Variants in PDZD2 observed in about 807,000 individuals in gnomAD.
PDZD2 encodes PDZ domain-containing protein 2.
In PDZD2, 90 loss-of-function variants were observed where a neutral mutation model predicts 220.7. The observed-to-expected ratio is 0.41, with a 90% CI of 0.34 to 0.49. The LOEUF (loss-of-function observed/expected upper bound fraction) is 0.49, where lower values mean the gene tolerates loss of function less well. Ranked by LOEUF, PDZD2 falls within the 20% of genes least tolerant of loss-of-function variation. PDZD2 has a pLI of 0.28. For synonymous variants in PDZD2, 1,375 were observed against 1,450.5 expected, an observed-to-expected ratio of 0.95 and a Z score of 1.18; for missense variants, 3,174 against 3,608.5, an observed-to-expected ratio of 0.88 and a Z score of 3.08.
chr5:31,699,073 C>T (rs1234913182), intron 1 of PDZD2, among the ~76,000 whole-genome samples: 1 of 152,128 alleles, frequency 6.6e-6, no homozygotes, highest in East Asian at 1.9e-4. Flanking sequence ...ATTTGTAATA[C>T]GCTGCAAGCC....
chr5:31,947,836 T>G (rs1453716443), intron 2 of PDZD2, among the ~76,000 whole-genome samples: 5 of 141,968 alleles, frequency 3.5e-5, no homozygotes, highest in South Asian at 2.3e-4. Context: ...TGGTGGGGGG[T>G]GGTGGATGGG....
chr5:31,668,984 C>CA (rs1222070725), intron 1 of PDZD2, among the ~76,000 whole-genome samples: 1 of 151,936 alleles, frequency 6.6e-6, no homozygotes, highest in African/African-American at 2.4e-5. Context: ...CTGGTAAAAG[C>CA]AAACCTCCAT....
chr5:31,765,668 G>T (rs539560192), intron 1 of PDZD2, among the ~76,000 whole-genome samples: 2 of 152,160 alleles, frequency 1.3e-5, no homozygotes, highest in Non-Finnish European at 2.9e-5. Flanking sequence ...GAGGCCGGAA[G>T]ACATCACTGT....
chr5:31,886,700 CTCTT>C (rs763391631), intron 2 of PDZD2, among the ~76,000 whole-genome samples: 16 of 124,262 alleles, frequency 1.3e-4, no homozygotes, highest in African/African-American at 4.0e-4. Flanking sequence ...TTGTCTCTGT[CTCTT>C]TTTTTTTTTT....
intron 2 of PDZD2, among the ~76,000 whole-genome samples, chr5:31,846,995 C>T (rs1354587167): frequency 2.0e-5 from 3 of 152,110 alleles, no homozygotes; most frequent in Non-Finnish European, 4.4e-5. Flanking sequence ...GTTCACTTGC[C>T]TTTCTAAAAA....
chr5:31,992,458 A>C (rs1278360194), intron 3 of PDZD2, among the ~76,000 whole-genome samples: 1 of 151,940 alleles, frequency 6.6e-6, no homozygotes, highest in Admixed American at 6.6e-5. Context: ...TATACATTTG[A>C]GCTGATATTG....
intron 2 of PDZD2, among the ~76,000 whole-genome samples, chr5:31,903,826 C>T (rs981665941): frequency 2.6e-5 from 4 of 151,996 alleles, no homozygotes; most frequent in African/African-American, 9.7e-5. Flanking sequence ...TGGGTTCACG[C>T]AATTCTTCTG....
chr5:31,722,365 G>A (rs114765316), intron 1 of PDZD2, among the ~76,000 whole-genome samples: 63 of 152,154 alleles, frequency 4.1e-4, no homozygotes, highest in African/African-American at 1.5e-3. Context: ...CCCACTGCCT[G>A]GACGGACAGC....
chr5:31,668,275 C>T (rs1270828409), intron 1 of PDZD2, among the ~76,000 whole-genome samples: 2 of 152,192 alleles, frequency 1.3e-5, no homozygotes, highest in East Asian at 3.9e-4. Flanking sequence ...ACACAAACAG[C>T]CTTGTGGCCC....
intron 2 of PDZD2, among the ~76,000 whole-genome samples, chr5:31,962,489 G>A (rs1471763427): frequency 6.6e-6 from 1 of 152,172 alleles, no homozygotes; most frequent in Non-Finnish European, 1.5e-5. Flanking sequence ...GAGAGTCAGG[G>A]TGTGAAGTGT....
chr5:31,840,421 TATATATATA>T (rs1757210594), intron 2 of PDZD2: 2 of 121,150 alleles, frequency 1.7e-5, no homozygotes, highest in African/African-American at 6.3e-5. Flanking sequence ...TATATATATA[TATATATATA>T]TATATATATA....
intron 7 of PDZD2, among the ~76,000 whole-genome samples, chr5:32,044,132 C>G (rs1190081835): frequency 6.6e-6 from 1 of 151,694 alleles, no homozygotes; most frequent in Admixed American, 6.6e-5. Context: ...AGTTCGAGAC[C>G]AGCCTGGCCA....
chr5:31,896,613 T>C (rs1024510712), intron 2 of PDZD2, among the ~76,000 whole-genome samples: 4 of 152,214 alleles, frequency 2.6e-5, no homozygotes, highest in African/African-American at 9.6e-5. Context: ...CAAGGGTTTC[T>C]GAGTCTTTAG....
intron 2 of PDZD2, among the ~76,000 whole-genome samples, chr5:31,857,945 C>T (rs945372370): frequency 6.6e-6 from 1 of 152,130 alleles, no homozygotes; most frequent in Admixed American, 6.6e-5. Context: ...TCCTGCCTCA[C>T]ACCCCGAGTA....
intron 2 of PDZD2, among the ~76,000 whole-genome samples, chr5:31,876,273 G>C (rs377035863): frequency 6.8e-6 from 1 of 147,978 alleles, no homozygotes; most frequent in African/African-American, 2.5e-5. Context: ...GAATGCGCTT[G>C]ATTTTTGAAT....
chr5:31,906,445 A>C (rs28464393), intron 2 of PDZD2, among the ~76,000 whole-genome samples: 71,212 of 151,026 alleles, frequency 0.47, 17,087 homozygotes, highest in Non-Finnish European at 0.52. Context: ...CCTGGGCTCA[A>C]GCAATCAGCC....
intron 1 of PDZD2, among the ~76,000 whole-genome samples, chr5:31,689,239 TTGTGTGTGTGTG>T (rs70955736): frequency 0.064 from 8,927 of 139,994 alleles, 413 homozygotes; most frequent in African/African-American, 0.14. Context: ...TGGCTAATGT[TTGTGTGTGTGTG>T]TGTGTGTGTG....
rs1475651780 is a variant in PDZD2 at position 32,059,319 on chromosome 5, G to T, written c.2281G>T (p.Ala761Ser). Reference sequence around the variant, plus strand: ...TCCTGGCATCTACATTCACAGCCTTGCTCCAGGATCAGTGGCCAAGATGGA... The same window carrying T: ...TCCTGGCATCTACATTCACAGCCTTTCTCCAGGATCAGTGGCCAAGATGGA... ...SPPGIYIHSL[A>S]PGSVAKMESN... Residue 761 changes from alanine (A) to serine (S), a missense_variant, in exon 13 of 25, where the codon GCT (alanine) becomes TCT (serine). Coordinates refer to ENST00000438447, the MANE Select transcript of PDZD2 (RefSeq NM_178140.4). The T allele has an allele frequency of 1.2e-6, 2 of 1,612,870 alleles. No homozygotes were observed. The highest frequency in any genetic ancestry group is 1.7e-5 in the Admixed American group (1 of 59,988).
rs370080914 is a variant in PDZD2, at chr5:31,900,193, C to T, written c.477-82962C>T. On this transcript the variant is annotated intron_variant, in intron 2 of 24. Transcript: ENST00000438447. The stretch of plus-strand genomic sequence containing the variant: ...ATCCTCACATGTATCCCCTCTGGTT[C>T]CTTCTCTCAGTTGGAGATTCCAGGG... 4.9e-4 allele frequency among the ~76,000 whole-genome samples: 74 copies of T among 152,272 alleles called. 1 individual carries two copies. In the South Asian group the frequency reaches 0.015, roughly 31 times the overall value.
Sources: gnomAD v4.1 joint callset for allele counts (sites outside exome capture counted in the v4.1 genomes callset) on GRCh38, gnomAD v4.1.1 for gene constraint, MANE v1.5 for transcripts, NCBI Gene and HGNC (gene_info 2026-07-23, HGNC 2026-07-21) for gene names.